Variants in HNRNPUL1 observed in about 807,000 individuals in gnomAD.
HNRNPUL1 encodes the protein heterogeneous nuclear ribonucleoprotein U-like protein 1.
HNRNPUL1 carries 14 observed loss-of-function variants against 108.5 expected under a neutral mutation model. The ratio of observed to expected loss-of-function variants is 0.13; its 90% confidence interval spans 0.09 to 0.20. HNRNPUL1 has a LOEUF of 0.20. Ranked by LOEUF, HNRNPUL1 falls within the 10% of genes least tolerant of loss-of-function variation. The pLI is 1.00. For synonymous variants in HNRNPUL1, 422 were observed against 445.2 expected (o/e 0.95, Z 0.66); for missense variants, 804 against 1,168.3 (o/e 0.69, Z 4.55).
intron 7 of HNRNPUL1, among the ~76,000 whole-genome samples, chr19:41,281,924 A>G (rs1243019074): frequency 2.0e-5 from 3 of 152,196 alleles, no homozygotes; most frequent in East Asian, 1.9e-4. Context: ...CTAAATGAGA[A>G]TCTTTGCACC....
intron 4 of HNRNPUL1, among the ~76,000 whole-genome samples, chr19:41,274,620 T>C (rs923232003): frequency 6.6e-6 from 1 of 152,196 alleles, no homozygotes; most frequent in African/African-American, 2.4e-5. Flanking sequence ...GGAGGAATTA[T>C]TATAAAGGTC....
chr19:41,277,782 C>T (rs1193681569), intron 5 of HNRNPUL1, among the ~76,000 whole-genome samples: 2 of 152,172 alleles, frequency 1.3e-5, no homozygotes, highest in Non-Finnish European at 2.9e-5. Context: ...GCTGGGATTA[C>T]AGGCGTGAGC....
intron 14 of HNRNPUL1, 45 bp from the exon 15 acceptor site, chr19:41,306,404 G>A (rs774597775): frequency 2.9e-6 from 4 of 1,364,082 alleles, no homozygotes; most frequent in Non-Finnish European, 4.0e-6. Flanking sequence ...GGCTAAATGT[G>A]TGGTGGATGC....
chr19:41,274,045 T>G lies in HNRNPUL1; in HGVS notation c.636T>G (p.Ala212=). The change falls in exon 4 of 15, where the codon GCT becomes GCG. Residue 212 remains alanine, a synonymous_variant. Transcript: ENST00000392006. ...ATGACTTTGATGATACCCTTGTTGC[T>G]ATTGACACCTGTAAGTCTTTGGAGT... ...DEDDFDDTLV[A]IDTYNCDLHF... is the part of the protein sequence containing the mutation. 1 of 1,613,872 alleles carries G rather than the reference T, an allele frequency of 6.2e-7. No individual in the cohort carries two copies. Among genetic ancestry groups the G allele is most frequent in the South Asian group, 1.1e-5 (1 of 91,080 alleles).
chr19:41,303,110 G>A (rs1189195365), intron 12 of HNRNPUL1, among the ~76,000 whole-genome samples, 161 bp downstream of exon 12: 2 of 152,120 alleles, frequency 1.3e-5, no homozygotes, highest in Non-Finnish European at 2.9e-5. Flanking sequence ...CCTCAGAAAC[G>A]CTCCCACTTT....
At chr19:41,290,651 G>A (rs2036526290) in intron 7 of HNRNPUL1, among the ~76,000 whole-genome samples, 1 of 152,208 alleles carries the variant, frequency 6.6e-6, no homozygotes, top group African/African-American at 2.4e-5. Context: ...AACATAGGCT[G>A]TATAAAATAT....
In HNRNPUL1 at chr19:41,292,455, C is replaced by G. The variant is rs763764872; in HGVS notation, c.1210C>G (p.Pro404Ala). 1.9e-6 allele frequency: 3 copies of G among 1,614,046 alleles called. No homozygotes were observed. The highest frequency in any genetic ancestry group is 2.5e-6 in the Non-Finnish European group (3 of 1,179,918). The change falls in exon 8 of 15, where the codon CCC becomes GCC. Residue 404 changes from proline to alanine, a missense_variant. Transcript: ENST00000392006. The surrounding 1 kb of genome is among the most constrained non-coding windows in gnomAD (Gnocchi z 4.1). ...GGGGTTTACCTTCATCCAGCACCTT[C>G]CCCTTAGTGAGCGTATCCGGGGCAC... Reference protein sequence around the residue: ...LPGFTFIQHLPLSERIRGTVG... With the variant: ...LPGFTFIQHLALSERIRGTVG...
upstream of HNRNPUL1, among the ~76,000 whole-genome samples, chr19:41,263,395 G>A (rs2034615684): frequency 1.3e-5 from 2 of 152,196 alleles, no homozygotes; most frequent in South Asian, 2.1e-4. Flanking sequence ...GCCGATTAGA[G>A]GATTCGGGAG....
chr19:41,264,709 G>A lies in HNRNPUL1; in HGVS notation c.206G>A (p.Gly69Asp). Reference protein sequence around the residue: ...HINEEVETEGGSELEGTAQPP... With the variant: ...HINEEVETEGDSELEGTAQPP... The stretch of plus-strand genomic sequence containing the variant: ...AACGAGGAGGTCGAGACCGAGGGGG[G>A]CTCCGAGCTGGAGGGGACCGCGCAG... The change falls in exon 1 of 15, where the codon GGC (glycine) becomes GAC (aspartate). Residue 69 changes from glycine (G) to aspartate (D), a missense_variant. Gly to Asp is a moderately conservative substitution (Grantham distance 94). Around this residue, in one of 4 missense-constraint regions of HNRNPUL1, gnomAD observed 256 missense variants for 261.6 expected, o/e 0.98. Transcript: ENST00000392006. 6.5e-7 allele frequency: 1 copy of A among 1,529,918 alleles called. No homozygotes were observed. The highest frequency in any genetic ancestry group is 8.8e-7 in the Non-Finnish European group (1 of 1,141,996). The allele number at this position is 1,529,918 out of a possible 1,614,324, so 94.8% of individuals were successfully genotyped here.
At chr19:41,279,238 C>T in intron 6 of HNRNPUL1, 62 bp downstream of exon 6, 1 of 1,174,788 alleles carries the variant, frequency 8.5e-7, no homozygotes, top group Non-Finnish European at 1.3e-6. Flanking sequence ...CTTGGATTTT[C>T]AAGGCTCCTA....
intron 14 of HNRNPUL1, among the ~76,000 whole-genome samples, chr19:41,306,145 G>A (rs79989978): frequency 0.054 from 8,257 of 152,232 alleles, 281 homozygotes; most frequent in South Asian, 0.099. Flanking sequence ...ATAGACAGGG[G>A]GCTCCAAATC....
At chr19:41,302,549 C>T (rs754188802) in intron 11 of HNRNPUL1, 116 bp from the exon 12 acceptor site, 40 of 1,289,576 alleles carry the variant, frequency 3.1e-5, no homozygotes, top group Non-Finnish European at 3.6e-5. Context: ...TTCACTATTC[C>T]AGTTTTCTTC....
chr19:41,292,347 C>G lies in HNRNPUL1; in HGVS notation c.1102C>G (p.Leu368Val). The stretch of plus-strand genomic sequence containing the variant: ...GAAGGAAGCCTTGGGGGGTCAGGCC[C>G]TCTATCCTCATGTCCTGGTGAAGAA... Reference protein sequence around the residue: ...IQKEALGGQALYPHVLVKNCA... With the variant: ...IQKEALGGQAVYPHVLVKNCA... Residue 368 changes from leucine to valine, a missense_variant, in exon 8 of 15, where the codon CTC (leucine) becomes GTC (valine). Around this residue, in one of 4 missense-constraint regions of HNRNPUL1, gnomAD observed 174 missense variants for 296.6 expected, o/e 0.59. Coordinates refer to ENST00000392006, the MANE Select transcript of HNRNPUL1 (RefSeq NM_007040.6). This position sits in a 1 kb window ranked among gnomAD's most constrained non-coding sequence, Gnocchi z 4.1. The G allele has an allele frequency of 6.2e-7, 1 of 1,614,226 alleles. No individual in the cohort carries two copies. Among genetic ancestry groups the G allele is most frequent in the Non-Finnish European group, 8.5e-7 (1 of 1,180,046 alleles).
chr19:41,297,061 G>A (rs1331937352), intron 10 of HNRNPUL1, among the ~76,000 whole-genome samples: 2 of 152,164 alleles, frequency 1.3e-5, no homozygotes, highest in East Asian at 1.9e-4. Context: ...CAGGTATATC[G>A]GGGCTTTGAC....
intron 11 of HNRNPUL1, 165 bp from the exon 12 acceptor site, chr19:41,302,500 T>G: frequency 1.4e-5 from 12 of 874,274 alleles, no homozygotes; most frequent in Non-Finnish European, 2.0e-5. Flanking sequence ...ATTACAGGCG[T>G]GAGCCACCGC....
rs370821270 is a variant in HNRNPUL1 at position 41,301,724 on chromosome 19, C to G, written c.1687+20C>G. On this transcript the variant is annotated intron_variant, in intron 11 of 14. Coordinates refer to ENST00000392006, the MANE Select transcript of HNRNPUL1 (RefSeq NM_007040.6). ...TGAAAGGTAGGAAATGAGTGCTTCC[C>G]AGAGGAACGTCAATGCAGGGTCCTG... The G allele has an allele frequency of 2.0e-5, 32 of 1,601,144 alleles. No individual in the cohort carries two copies. In the African/African-American group the frequency reaches 4.3e-4, roughly 22 times the overall value.
Position 41,273,942 on chromosome 19 carries a change from C to T in HNRNPUL1, c.573-40C>T, listed in dbSNP as rs1475871297. ...TTCATTTTCTTTCCTTTGTGCTCATCCATTGTTCTTGTATGACTTAACCCC... is the reference window on the plus strand; with the variant it reads ...TTCATTTTCTTTCCTTTGTGCTCATTCATTGTTCTTGTATGACTTAACCCC... On this transcript the variant is annotated intron_variant, in intron 3 of 14. Transcript: ENST00000392006. 10 of 1,464,284 alleles carry T rather than the reference C, an allele frequency of 6.8e-6. No homozygotes were observed. The African/African-American group carries it at 1.3e-4, about 18-fold the overall frequency. The allele number at this position is 1,464,284 out of a possible 1,614,324, so 90.7% of individuals were successfully genotyped here.
rs1009006753 is a variant in HNRNPUL1, at chr19:41,280,780, C to T, written c.887-383C>T. 5 of 190,876 alleles carry T rather than the reference C, an allele frequency of 2.6e-5. No individual in the cohort carries two copies. The East Asian group carries it at 6.1e-4, about 23-fold the overall frequency. The allele number at this position is 190,876 out of a possible 1,614,324, so 11.8% of individuals were successfully genotyped here. ...TGGTCTCCAGGAGCAAAATCCAGCC[C>T]CTTCACTGATTTCTACCACAAGTAG... On this transcript the variant is annotated intron_variant, in intron 6 of 14. Transcript: ENST00000392006.
intron 7 of HNRNPUL1, among the ~76,000 whole-genome samples, chr19:41,288,078 A>G (rs1045494666): frequency 2.6e-5 from 4 of 152,126 alleles, no homozygotes; most frequent in Non-Finnish European, 2.9e-5. Flanking sequence ...TTTCCAAAAA[A>G]AAATCGAGGA....
Sources: gnomAD v4.1 joint callset for allele counts (sites outside exome capture counted in the v4.1 genomes callset) on GRCh38, gnomAD v4.1.1 for gene constraint, gnomAD v4.1.1 regional missense constraint, Gnocchi (gnomAD v3.1) non-coding constraint, MANE v1.5 for transcripts, NCBI Gene and HGNC (gene_info 2026-07-23, HGNC 2026-07-21) for gene names.